RNF166: variants seen among roughly 807,000 people sequenced by gnomAD.
RNF166 encodes ring finger protein 166.
A neutral mutation model predicts 29.4 loss-of-function variants in RNF166; 19 were observed. The observed-to-expected ratio is 0.65, with a 90% CI of 0.45 to 0.95. The LOEUF (loss-of-function observed/expected upper bound fraction) is 0.95, where lower values mean the gene tolerates loss of function less well. Ranked by LOEUF, RNF166 falls within the 40% of genes least tolerant of loss-of-function variation. The pLI, the probability that RNF166 is intolerant of heterozygous loss-of-function variation, is 0.00. For missense variants in RNF166, 347 were observed against 322.1 expected, an observed-to-expected ratio of 1.08 and a Z score of -0.59; for synonymous variants, 171 against 134.5, an observed-to-expected ratio of 1.27 and a Z score of -1.88.
At chr16:88,699,167 G>A (rs564536417) in intron 3 of RNF166, 82 bp from the exon 4 acceptor site, 3 of 1,012,182 alleles carry the variant, frequency 3.0e-6, no homozygotes, top group African/African-American at 1.6e-5. Flanking sequence ...CACAGGCGTG[G>A]CCCCAGGCCT....
chr16:88,699,982 C>T (rs570462103), intron 2 of RNF166: 9 of 372,090 alleles, frequency 2.4e-5, no homozygotes, highest in Admixed American at 1.8e-4. Flanking sequence ...AGAAGGGTAG[C>T]GGGAAACAGG....
chr16:88,706,344 C>G lies in RNF166; in HGVS notation c.-19G>C. On this transcript the variant is annotated 5_prime_UTR_variant, in exon 1 of 6. Coordinates refer to ENST00000312838, the MANE Select transcript of RNF166 (RefSeq NM_178841.4). ...TAGCCATCCCGGGGCCAGGCCCGCG[C>G]CGCCCGCCGCCCGCTGTCCTGGCCC... 8.3e-7 allele frequency: 1 copy of G among 1,211,990 alleles called. No homozygotes were observed. Among genetic ancestry groups the G allele is most frequent in the Non-Finnish European group, 1.0e-6 (1 of 975,462 alleles). The allele number at this position is 1,211,990 out of a possible 1,614,324, so 75.1% of individuals were successfully genotyped here. A position where few individuals can be genotyped will look rare whatever the true frequency, so the allele number is the denominator to read the frequency against.
rs767901290 is a variant in RNF166, at chr16:88,701,256, G to A, written c.312+6C>T. 1.2e-5 allele frequency: 19 copies of A among 1,613,426 alleles called. No individual in the cohort carries two copies. The highest frequency in any genetic ancestry group is 1.6e-4 in the Middle Eastern group (1 of 6,080). On this transcript the variant is annotated splice_donor_region_variant and intron_variant, in intron 2 of 5. Coordinates refer to ENST00000312838, the MANE Select transcript of RNF166 (RefSeq NM_178841.4). ...CGGCTCCAGGGCGGCCCAAGCAGGC[G>A]GGTACCTTTTTGTTGCAGCCTCGAC... is the stretch of plus-strand genomic sequence containing the variant.
chr16:88,699,944 A>G (rs185426838), intron 2 of RNF166: 2 of 452,762 alleles, frequency 4.4e-6, no homozygotes, highest in East Asian at 3.8e-5. Flanking sequence ...CTGCAGGACA[A>G]TCTGGCCGAG....
In RNF166 at chr16:88,698,627, G is replaced by T; in HGVS notation, c.541-18C>A. The T allele has an allele frequency of 2.7e-6, 4 of 1,493,528 alleles. No individual in the cohort carries two copies. The highest frequency in any genetic ancestry group is 3.6e-6 in the Non-Finnish European group (4 of 1,112,224). 92.5% of individuals were successfully genotyped at this position (1,493,528 alleles called of 1,614,324 possible). On this transcript the variant is annotated intron_variant, in intron 4 of 5. Coordinates refer to ENST00000312838, the MANE Select transcript of RNF166 (RefSeq NM_178841.4). ...GGGCACACCTGGAACAGGCACTGGGGTCAAGCCGAGCCGGACCGCGGAGAG... is the reference window on the plus strand; with the variant it reads ...GGGCACACCTGGAACAGGCACTGGGTTCAAGCCGAGCCGGACCGCGGAGAG...
chr16:88,699,096 G>A lies in RNF166; in HGVS notation c.426-11C>T, dbSNP rs770292556. 1.1e-4 allele frequency: 168 copies of A among 1,576,304 alleles called. No individual in the cohort carries two copies. The highest frequency in any genetic ancestry group is 3.9e-5 in the Non-Finnish European group (45 of 1,154,096). On this transcript the variant is annotated splice_polypyrimidine_tract_variant and intron_variant, in intron 3 of 5. Transcript: ENST00000312838. ...CTGTTGGGGATGTTGCTGGCGGGGCGGGGGTAGAGTGAGTGGCACGGCTAG... is the reference window on the plus strand; with the variant it reads ...CTGTTGGGGATGTTGCTGGCGGGGCAGGGGTAGAGTGAGTGGCACGGCTAG...
At position 88,702,751 on chromosome 16, in the gene RNF166, A is replaced by G. The variant is rs572973237; in HGVS notation, c.156-1333T>C. The G allele has an allele frequency of 1.1e-4, 109 of 985,412 alleles. No homozygotes were observed. In the African/African-American group the frequency reaches 1.7e-3, roughly 16 times the overall value. 61.0% of individuals were successfully genotyped at this position (985,412 alleles called of 1,614,324 possible). A position where few individuals can be genotyped will look rare whatever the true frequency, so the allele number is the denominator to read the frequency against. ...GAACAAGCCTTTTTCTGCAGAGTAA[A>G]GAGGTCGCTCACTTTACCCACCTCA... On this transcript the variant is annotated intron_variant, in intron 1 of 5. Coordinates refer to ENST00000312838, the MANE Select transcript of RNF166 (RefSeq NM_178841.4).
chr16:88,701,366 G>T lies in RNF166; in HGVS notation c.208C>A (p.Pro70Thr). Reference sequence around the variant, plus strand: ...GGGTCGAAGGGCAGGCGGCAGAGTGGGCACAGCGGGGATGGCACCTGCAGG... The same window carrying T: ...GGGTCGAAGGGCAGGCGGCAGAGTGTGCACAGCGGGGATGGCACCTGCAGG... ...PCLQVPSPLC[P>T]LCRLPFDPKK... The change falls in exon 2 of 6, where the codon CCA becomes ACA. Residue 70 changes from proline to threonine, a missense_variant. By Grantham distance (38) the Pro-to-Thr change is conservative. Transcript: ENST00000312838. 6.2e-7 allele frequency: 1 copy of T among 1,612,634 alleles called. No homozygotes were observed. The highest frequency in any genetic ancestry group is 8.5e-7 in the Non-Finnish European group (1 of 1,179,710).
At chr16:88,699,866 G>T in intron 2 of RNF166, 134 bp from the exon 3 acceptor site, 1 of 599,200 alleles carries the variant, frequency 1.7e-6, no homozygotes, top group Middle Eastern at 4.5e-4. Flanking sequence ...AGGGGGACCC[G>T]GTCCCTTCTG....
Position 88,705,433 on chromosome 16 carries a change from C to G in RNF166, c.155+738G>C, listed in dbSNP as rs577076879. On this transcript the variant is annotated intron_variant, in intron 1 of 5. Transcript: ENST00000312838. Reference sequence around the variant, plus strand: ...CACTTAGGAGGGAGCAGACACTGATCTAGGCTTCCTCCCAACGGGGCTGGC... The same window carrying G: ...CACTTAGGAGGGAGCAGACACTGATGTAGGCTTCCTCCCAACGGGGCTGGC... Among the ~76,000 whole-genome samples, 218 of 152,346 alleles carry G rather than the reference C, an allele frequency of 1.4e-3. 1 individual carries two copies. Among genetic ancestry groups the G allele is most frequent in the African/African-American group, 5.1e-3 (210 of 41,582 alleles).
chr16:88,697,897 G>A (rs969939387), intron 5 of RNF166: 3 of 498,720 alleles, frequency 6.0e-6, no homozygotes, highest in Middle Eastern at 1.1e-3. Flanking sequence ...TAAGCCCGGG[G>A]TTTCCGAGGT....
Position 88,700,558 on chromosome 16 carries a change from C to T in RNF166, c.312+704G>A, listed in dbSNP as rs1012922708. 3.1e-6 allele frequency: 3 copies of T among 970,452 alleles called. No homozygotes were observed. The South Asian group carries it at 1.5e-4, about 48-fold the overall frequency. The allele number at this position is 970,452 out of a possible 1,614,324, so 60.1% of individuals were successfully genotyped here. Reference sequence around the variant, plus strand: ...GAGGGGCCACGTACTAGTGTGAGCGCTTCATAGAACTTATTCACCTGAGAT... The same window carrying T: ...GAGGGGCCACGTACTAGTGTGAGCGTTTCATAGAACTTATTCACCTGAGAT... On this transcript the variant is annotated intron_variant, in intron 2 of 5. Coordinates refer to ENST00000312838, the MANE Select transcript of RNF166 (RefSeq NM_178841.4).
rs1910784011 is a variant in RNF166, at chr16:88,706,200, C to A, written c.126G>T (p.Arg42=). The A allele has an allele frequency of 2.3e-6, 3 of 1,306,174 alleles. No homozygotes were observed. Among genetic ancestry groups the A allele is most frequent in the Non-Finnish European group, 2.9e-6 (3 of 1,022,384 alleles). The allele number at this position is 1,306,174 out of a possible 1,614,324, so 80.9% of individuals were successfully genotyped here. The change falls in exon 1 of 6, where the codon CGG becomes CGT. Residue 42 remains arginine (R), a synonymous_variant. Coordinates refer to ENST00000312838, the MANE Select transcript of RNF166 (RefSeq NM_178841.4). ...TCPICLEVYH[R]PVAIGSCGHT... is the part of the protein sequence containing the mutation. ...GGCCGCAGCTGCCGATGGCCACGGG[C>A]CGGTGATAGACCTCCAGGCAGATGG...
intron 4 of RNF166, 43 bp downstream of exon 4, chr16:88,698,928 G>A (rs942741925): frequency 2.8e-6 from 4 of 1,425,190 alleles, no homozygotes; most frequent in Non-Finnish European, 2.9e-6. Flanking sequence ...TCCCCCACAG[G>A]CCTCCCCTGG....
At chr16:88,700,541 A>G (rs531456973) in intron 2 of RNF166, 1 of 939,076 alleles carries the variant, frequency 1.1e-6, no homozygotes, top group Non-Finnish European at 1.3e-6. Context: ...CCGAGGGGCC[A>G]CGTACTAGTG....
chr16:88,701,042 C>G (rs941181490), intron 2 of RNF166: 9 of 1,373,756 alleles, frequency 6.6e-6, no homozygotes, highest in Non-Finnish European at 8.6e-6. Context: ...AGTGCTACCC[C>G]CACCGGGCTG....
In RNF166 at chr16:88,696,834, A is replaced by T. The variant is rs1467753743; in HGVS notation, c.*734T>A. 3.0e-6 allele frequency: 1 copy of T among 333,826 alleles called. No homozygotes were observed. The highest frequency in any genetic ancestry group is 2.2e-5 in the African/African-American group (1 of 45,838). 20.7% of individuals were successfully genotyped at this position (333,826 alleles called of 1,614,324 possible). A position where few individuals can be genotyped will look rare whatever the true frequency, so the allele number is the denominator to read the frequency against. On this transcript the variant is annotated 3_prime_UTR_variant, in exon 6 of 6. Coordinates refer to ENST00000312838, the MANE Select transcript of RNF166 (RefSeq NM_178841.4). ...AAACGTACAAACCTCAAGGACCCAG[A>T]CACACAGTGGGTGGCCAGGGCAGAC...
intron 4 of RNF166, 95 bp from the exon 5 acceptor site, chr16:88,698,704 T>TGCCTCAGCCTGGGAAGGC: frequency 1.0e-6 from 1 of 979,394 alleles, no homozygotes; most frequent in East Asian, 2.6e-5. Flanking sequence ...CCGTCAGTGC[T>TGCCTCAGCCTGGGAAGGC]GCCTCAGCCT....
At chr16:88,703,743 GA>G (rs1910500157) in intron 1 of RNF166, 1 of 985,388 alleles carries the variant, frequency 1.0e-6, no homozygotes, top group Admixed American at 6.1e-5. Context: ...CTTACAAAGG[GA>G]GGGGCGATCG....
Sources: allele counts gnomAD v4.1 joint callset (sites outside exome capture counted in the v4.1 genomes callset), GRCh38; gene constraint gnomAD v4.1.1; transcripts MANE v1.5; gene names NCBI Gene and HGNC (gene_info 2026-07-23, HGNC 2026-07-21).